Variants in DGKB observed in about 807,000 individuals in gnomAD.
The protein encoded by DGKB is 90 kDa diacylglycerol kinase.
In DGKB, 67 loss-of-function variants were observed where a neutral mutation model predicts 114.3. That is an observed-to-expected ratio of 0.59 (90% CI 0.48 to 0.72). The LOEUF is 0.72. DGKB is among the 30% of genes least tolerant of loss of function. DGKB has a pLI of 0.00. For missense variants in DGKB, 907 were observed against 975.2 expected, an observed-to-expected ratio of 0.93 and a Z score of 0.93; for synonymous variants, 398 against 323.1, an observed-to-expected ratio of 1.23 and a Z score of -2.49.
chr7:14,285,624 G>A (rs1220539661), intron 23 of DGKB, among the ~76,000 whole-genome samples: 5 of 152,260 alleles, frequency 3.3e-5, no homozygotes, highest in Middle Eastern at 3.4e-3. Flanking sequence ...AACTGCACCT[G>A]ATAATTCACA....
intron 23 of DGKB, among the ~76,000 whole-genome samples, chr7:14,261,885 A>T (rs745954518): frequency 1.3e-5 from 2 of 152,202 alleles, no homozygotes; most frequent in East Asian, 3.9e-4. Context: ...ATTAAATGTC[A>T]TTAAGAACAC....
intron 23 of DGKB, among the ~76,000 whole-genome samples, chr7:14,184,305 G>A (rs1028732712): frequency 6.6e-6 from 1 of 152,146 alleles, no homozygotes; most frequent in Non-Finnish European, 1.5e-5. Context: ...TAGAACTCAG[G>A]AGAGGGCGCA....
intron 13 of DGKB, among the ~76,000 whole-genome samples, chr7:14,633,844 C>T (rs1030502790): frequency 1.3e-5 from 2 of 151,552 alleles, no homozygotes; most frequent in Non-Finnish European, 3.0e-5. Flanking sequence ...TTAAAAGATG[C>T]ATTTGCCTTC....
chr7:14,779,625 T>A (rs992246085), intron 2 of DGKB, among the ~76,000 whole-genome samples: 1 of 152,138 alleles, frequency 6.6e-6, no homozygotes, highest in African/African-American at 2.4e-5. Context: ...AAGTAAAGGC[T>A]CCCACAAATT....
intron 20 of DGKB, among the ~76,000 whole-genome samples, chr7:14,562,226 C>T (rs1385390551): frequency 1.3e-5 from 2 of 152,198 alleles, no homozygotes. Flanking sequence ...AAACCTCCAC[C>T]TAGATTTCAG....
intron 21 of DGKB, among the ~76,000 whole-genome samples, chr7:14,401,502 T>C (rs1174993769): frequency 6.6e-6 from 1 of 151,838 alleles, no homozygotes; most frequent in East Asian, 1.9e-4. Flanking sequence ...TAACACTGTG[T>C]TAATTATTGT....
intron 1 of DGKB, among the ~76,000 whole-genome samples, chr7:14,930,941 TTTTC>T (rs1784985326): frequency 6.6e-6 from 1 of 152,164 alleles, no homozygotes; most frequent in South Asian, 2.1e-4. Context: ...ATAGAATGCT[TTTTC>T]TTTGTCTATT....
At chr7:14,459,594 G>A (rs192301172) in intron 21 of DGKB, among the ~76,000 whole-genome samples, 35 of 152,214 alleles carry the variant, frequency 2.3e-4, no homozygotes, top group African/African-American at 2.2e-4. Context: ...CAAGAAATGC[G>A]GGACTATGTA....
chr7:14,182,478 A>C (rs1782779438), intron 23 of DGKB, among the ~76,000 whole-genome samples: 1 of 152,150 alleles, frequency 6.6e-6, no homozygotes, highest in African/African-American at 2.4e-5. Context: ...TATAAATTTT[A>C]AAACATTATG....
intron 23 of DGKB, among the ~76,000 whole-genome samples, chr7:14,223,509 CT>C (rs1790316137): frequency 6.6e-6 from 1 of 151,608 alleles, no homozygotes; most frequent in South Asian, 2.1e-4. Context: ...GTATCTTTTA[CT>C]GAAGCTCAAA....
chr7:14,570,592 G>C (rs989896702), intron 20 of DGKB, among the ~76,000 whole-genome samples: 2 of 151,990 alleles, frequency 1.3e-5, no homozygotes, highest in Admixed American at 1.3e-4. Context: ...TTACCAGAAA[G>C]TCAGCTAAAG....
chr7:14,668,767 C>G (rs573510168), intron 13 of DGKB, among the ~76,000 whole-genome samples: 3 of 152,076 alleles, frequency 2.0e-5, no homozygotes, highest in African/African-American at 7.2e-5. Flanking sequence ...ACTTCCCTCA[C>G]TTCCAGCTCA....
chr7:14,901,605 A>AACCCCCC (rs1562855781), intron 1 of DGKB, among the ~76,000 whole-genome samples: 3 of 123,094 alleles, frequency 2.4e-5, no homozygotes, highest in Admixed American at 8.7e-5. Flanking sequence ...AGGGATTTCC[A>AACCCCCC]CCCCCCCCCA....
At chr7:14,435,974 G>C (rs971095492) in intron 21 of DGKB, among the ~76,000 whole-genome samples, 1 of 152,008 alleles carries the variant, frequency 6.6e-6, no homozygotes, top group Non-Finnish European at 1.5e-5. Flanking sequence ...ATATCAAAGG[G>C]AAATTCAATA....
intron 23 of DGKB, among the ~76,000 whole-genome samples, chr7:14,315,252 A>G (rs1434518085): frequency 1.3e-5 from 2 of 150,864 alleles, no homozygotes; most frequent in African/African-American, 2.4e-5. Flanking sequence ...AGCTAACATC[A>G]TAATGACAGC....
chr7:14,512,820 T>G (rs908692441), intron 20 of DGKB, among the ~76,000 whole-genome samples: 113 of 152,210 alleles, frequency 7.4e-4, no homozygotes, highest in African/African-American at 2.5e-3. Context: ...AAAATCTCCC[T>G]CAGACAAAGT....
chr7:14,881,533 A>G (rs946732912), intron 1 of DGKB, among the ~76,000 whole-genome samples: 1 of 152,162 alleles, frequency 6.6e-6, no homozygotes, highest in African/African-American at 2.4e-5. Context: ...ATTGGGAATT[A>G]AGAGTGTATG....
At chr7:14,341,007 A>C (rs1811522911) in intron 22 of DGKB, among the ~76,000 whole-genome samples, 1 of 151,590 alleles carries the variant, frequency 6.6e-6, no homozygotes, top group Admixed American at 6.6e-5. Flanking sequence ...TAAAAAAAAG[A>C]ATTGAACCAG....
chr7:14,841,888 T>C (rs1847982522), intron 1 of DGKB, among the ~76,000 whole-genome samples: 1 of 152,148 alleles, frequency 6.6e-6, no homozygotes, highest in African/African-American at 2.4e-5. Flanking sequence ...GTTCTAGCAA[T>C]CAAATAAAGA....
Sources: gnomAD v4.1 joint callset for allele counts (sites outside exome capture counted in the v4.1 genomes callset) on GRCh38, gnomAD v4.1.1 for gene constraint, MANE v1.5 for transcripts, NCBI Gene and HGNC (gene_info 2026-07-23, HGNC 2026-07-21) for gene names.